Variants in LAMTOR3 observed in about 807,000 individuals in gnomAD.
The protein encoded by LAMTOR3 is ragulator complex protein LAMTOR3.
A neutral mutation model predicts 20.3 loss-of-function variants in LAMTOR3; 14 were observed. The ratio of observed to expected loss-of-function variants is 0.69; its 90% CI spans 0.46 to 1.08. The LOEUF (loss-of-function observed/expected upper bound fraction) is 1.08. Among genes scored for constraint, LAMTOR3 ranks in the 50% least tolerant of loss-of-function variants. The pLI is 0.00. For synonymous variants in LAMTOR3, 40 were observed against 49.4 expected (o/e 0.81, Z 0.80); for missense variants, 125 against 143.7 (o/e 0.87, Z 0.67).
chr4:99,887,544 A>C (rs973804286), intron 3 of LAMTOR3, among the ~76,000 whole-genome samples, 190 bp from the exon 4 acceptor site: 2 of 152,242 alleles, frequency 1.3e-5, no homozygotes, highest in Non-Finnish European at 2.9e-5. Context: ...AGAAATGTTT[A>C]TAATATTTAC....
chr4:99,884,119 G>T lies in LAMTOR3; in HGVS notation c.244C>A (p.Gln82Lys). ...ACCACCAAAGGTAAACGATTAAATTGAACCACCTAAAAAGAAAATAAGAGC... is the reference window on the plus strand; with the variant it reads ...ACCACCAAAGGTAAACGATTAAATTTAACCACCTAAAAAGAAAATAAGAGC... ...ICYYNTYQVV[Q>K]FNRLPLVVSF... is the part of the protein sequence containing the mutation. The change falls in exon 6 of 7, where the codon CAA becomes AAA. Residue 82 changes from glutamine (Q) to lysine (K), a missense_variant. Transcript: ENST00000499666. 1 of 1,611,268 alleles carries T rather than the reference G, an allele frequency of 6.2e-7. No individual in the cohort carries two copies. The highest frequency in any genetic ancestry group is 1.1e-5 in the South Asian group (1 of 91,006).
intron 1 of LAMTOR3, 96 bp from the exon 2 acceptor site, chr4:99,894,096 G>T (rs1044975772): frequency 2.4e-5 from 18 of 759,258 alleles, no homozygotes; most frequent in Middle Eastern, 2.6e-4. Flanking sequence ...TCAGAACCAG[G>T]TAAAACCCCC....
rs961322518 is a variant in LAMTOR3, at chr4:99,879,533, A to C, written c.*2461T>G. On this transcript the variant is annotated 3_prime_UTR_variant, in exon 7 of 7. Coordinates refer to ENST00000499666, the MANE Select transcript of LAMTOR3 (RefSeq NM_021970.4). ...GTTTCATGCACCATTGCACTGGCAA[A>C]AATTTCCTGAACGATATTAAATAAT... is the stretch of plus-strand genomic sequence containing the variant. 2.6e-5 allele frequency: 4 copies of C among 152,170 alleles called. No homozygotes were observed. Among genetic ancestry groups the C allele is most frequent in the African/African-American group, 9.7e-5 (4 of 41,432 alleles). 9.4% of individuals were successfully genotyped at this position (152,170 alleles called of 1,614,324 possible).
rs1724794916 is a variant in LAMTOR3, at chr4:99,880,015, T to A, written c.*1979A>T. ...GCCTGCTGTTCTGACCACCCTCGTA[T>A]GTGGTCCTTCACTAACTGAAACATC... On this transcript the variant is annotated 3_prime_UTR_variant, in exon 7 of 7. Transcript: ENST00000499666. 1 of 151,258 alleles carries A rather than the reference T, an allele frequency of 6.6e-6. No individual in the cohort carries two copies. The highest frequency in any genetic ancestry group is 2.4e-5 in the African/African-American group (1 of 40,974). The allele number at this position is 151,258 out of a possible 1,614,324, so 9.4% of individuals were successfully genotyped here.
At chr4:99,885,816 G>A in intron 4 of LAMTOR3, 141 bp from the exon 5 acceptor site, 1 of 664,502 alleles carries the variant, frequency 1.5e-6, no homozygotes, top group Admixed American at 3.6e-5. Flanking sequence ...TCACTAATGG[G>A]GTCTCATCAC....
rs1482016523 is a variant in LAMTOR3, at chr4:99,884,140, A to G, written c.238-15T>C. The G allele has an allele frequency of 6.3e-7, 1 of 1,594,260 alleles. No individual in the cohort carries two copies. Among genetic ancestry groups the G allele is most frequent in the Non-Finnish European group, 8.6e-7 (1 of 1,162,794 alleles). Reference sequence around the variant, plus strand: ...AATTGAACCACCTAAAAAGAAAATAAGAGCCAAATAATATGTTGCATTATG... The same window carrying G: ...AATTGAACCACCTAAAAAGAAAATAGGAGCCAAATAATATGTTGCATTATG... On this transcript the variant is annotated splice_polypyrimidine_tract_variant and intron_variant, in intron 5 of 6. Transcript: ENST00000499666.
In LAMTOR3 at chr4:99,880,353, G is replaced by C. The variant is rs1724801010; in HGVS notation, c.*1641C>G. 1 of 152,138 alleles carries C rather than the reference G, an allele frequency of 6.6e-6. No individual in the cohort carries two copies. Among genetic ancestry groups the C allele is most frequent in the South Asian group, 2.1e-4 (1 of 4,822 alleles). The allele number at this position is 152,138 out of a possible 1,614,324, so 9.4% of individuals were successfully genotyped here. On this transcript the variant is annotated 3_prime_UTR_variant, in exon 7 of 7. Transcript: ENST00000499666. ...CACACCTATAATCCTAGCATTTTGG[G>C]AGGCCAAAGCAGGTGGATCACTTTA...
At position 99,879,388 on chromosome 4, in the gene LAMTOR3, AG is replaced by A. The variant is rs1410011852; in HGVS notation, c.*2605del. On this transcript the variant is annotated 3_prime_UTR_variant, in exon 7 of 7. Coordinates refer to ENST00000499666, the MANE Select transcript of LAMTOR3 (RefSeq NM_021970.4). ...CCCCCTCAGAAATTTTAACAGTGGC[AG>A]CATTCAACATGTAAAGGTTAAGTAG... 4 of 152,190 alleles carry A rather than the reference AG, an allele frequency of 2.6e-5. No individual in the cohort carries two copies. Among genetic ancestry groups the A allele is most frequent in the African/African-American group, 9.7e-5 (4 of 41,444 alleles). The allele number at this position is 152,190 out of a possible 1,614,324, so 9.4% of individuals were successfully genotyped here. A position where few individuals can be genotyped will look rare whatever the true frequency, so the allele number is the denominator to read the frequency against.
At position 99,885,618 on chromosome 4, in the gene LAMTOR3, G is replaced by A. The variant is rs865943605; in HGVS notation, c.161C>T (p.Ala54Val). 1 of 1,613,268 alleles carries A rather than the reference G, an allele frequency of 6.2e-7. No individual in the cohort carries two copies. The highest frequency in any genetic ancestry group is 8.5e-7 in the Non-Finnish European group (1 of 1,179,422). ...TTTGCTTCCTTGGTCTGTTGCAAGGGCAAAAGTGGATAAGAAACCAGGTCG... is the reference window on the plus strand; with the variant it reads ...TTTGCTTCCTTGGTCTGTTGCAAGGACAAAAGTGGATAAGAAACCAGGTCG... ...ALRPGFLSTF[A>V]LATDQGSKLG... Residue 54 changes from alanine to valine, a missense_variant, in exon 5 of 7, where the codon GCC becomes GTC. Transcript: ENST00000499666.
At chr4:99,891,873 C>T in intron 3 of LAMTOR3, 127 bp downstream of exon 3, 1 of 1,413,646 alleles carries the variant, frequency 7.1e-7, no homozygotes, top group Non-Finnish European at 9.3e-7. Flanking sequence ...GTGAGGCTGG[C>T]AAAAAATATT....
At chr4:99,883,928 A>G (rs2110179649) in intron 6 of LAMTOR3, 134 bp downstream of exon 6, 1 of 624,194 alleles carries the variant, frequency 1.6e-6, no homozygotes, top group Admixed American at 2.9e-5. Flanking sequence ...ACATGGAAAA[A>G]AGACAGTGAA....
chr4:99,891,070 TA>T (rs1725013221), intron 3 of LAMTOR3, among the ~76,000 whole-genome samples: 1 of 152,218 alleles, frequency 6.6e-6, no homozygotes, highest in African/African-American at 2.4e-5. Context: ...GGTCGGTTTA[TA>T]ACTTAAGAAC....
intron 5 of LAMTOR3, 75 bp from the exon 6 acceptor site, chr4:99,884,200 C>T: frequency 9.1e-7 from 1 of 1,094,114 alleles, no homozygotes. Flanking sequence ...ATGTCTTAAT[C>T]TTTCAAAAAC....
chr4:99,894,129 C>G, intron 1 of LAMTOR3, 129 bp from the exon 2 acceptor site: 1 of 525,364 alleles, frequency 1.9e-6, no homozygotes, highest in Non-Finnish European at 3.2e-6. Context: ...CTTGGCCCAG[C>G]GAGCCCAGTG....
At chr4:99,893,668 G>A (rs1725066941) in intron 2 of LAMTOR3, among the ~76,000 whole-genome samples, 1 of 152,146 alleles carries the variant, frequency 6.6e-6, no homozygotes, top group African/African-American at 2.4e-5. Flanking sequence ...TAAATATACA[G>A]AGCCTCTCTT....
chr4:99,893,374 G>T (rs903166541), intron 2 of LAMTOR3, among the ~76,000 whole-genome samples: 1 of 152,128 alleles, frequency 6.6e-6, no homozygotes, highest in African/African-American at 2.4e-5. Flanking sequence ...TGACAATTTA[G>T]GTATCAATTT....
At chr4:99,892,553 T>C (rs2110183895) in intron 2 of LAMTOR3, among the ~76,000 whole-genome samples, 1 of 152,328 alleles carries the variant, frequency 6.6e-6, no homozygotes, top group South Asian at 2.1e-4. Flanking sequence ...TTCCATTGTT[T>C]CATTATTTGT....
At chr4:99,884,277 A>G (rs1195570324) in intron 5 of LAMTOR3, 152 bp from the exon 6 acceptor site, 4 of 620,284 alleles carry the variant, frequency 6.4e-6, no homozygotes, top group Non-Finnish European at 1.2e-5. Context: ...GGAACTTTAT[A>G]TTTCAGTGAA....
intron 2 of LAMTOR3, among the ~76,000 whole-genome samples, chr4:99,892,351 T>C (rs1725037527): frequency 6.6e-6 from 1 of 152,262 alleles, no homozygotes; most frequent in Non-Finnish European, 1.5e-5. Context: ...ATTTTAGCCA[T>C]AAAATTACAT....
Sources: gnomAD v4.1 joint callset for allele counts (sites outside exome capture counted in the v4.1 genomes callset) on GRCh38, gnomAD v4.1.1 for gene constraint, MANE v1.5 for transcripts, NCBI Gene and HGNC (gene_info 2026-07-23, HGNC 2026-07-21) for gene names.